The following COLQ variants were observed in gnomAD, a reference collection of about 807,000 sequenced individuals.
The protein encoded by COLQ is collagen like tail subunit of asymmetric acetylcholinesterase.
Under a neutral mutation model 69.0 loss-of-function variants are expected in COLQ, and 48 were observed. That is an observed-to-expected ratio of 0.70 (90% CI 0.55 to 0.88). COLQ has a LOEUF of 0.88. Ranked by LOEUF, COLQ falls within the 40% of genes least tolerant of loss-of-function variation. COLQ has a pLI of 0.00. For synonymous variants in COLQ, 217 were observed against 211.2 expected (o/e 1.03, Z -0.24); for missense variants, 618 against 594.6 (o/e 1.04, Z -0.41).
chr3:15,478,867 G>T (rs2062426391), intron 5 of COLQ, 110 bp downstream of exon 5: 5 of 1,275,838 alleles, frequency 3.9e-6, no homozygotes, highest in Non-Finnish European at 4.6e-6. Context: ...TGTCCACCTG[G>T]GTATCAGTGA....
chr3:15,470,690 G>T, intron 10 of COLQ, 74 bp from the exon 11 acceptor site: 2 of 1,361,970 alleles, frequency 1.5e-6, no homozygotes, highest in Non-Finnish European at 2.1e-6. Flanking sequence ...GGTCTAGCCA[G>T]TCATTGGCTA....
chr3:15,501,337 T>C (rs984230503), intron 1 of COLQ, among the ~76,000 whole-genome samples: 1 of 152,164 alleles, frequency 6.6e-6, no homozygotes, highest in Non-Finnish European at 1.5e-5. Flanking sequence ...TCCCTGCCGA[T>C]GGGGCTGAAG....
In COLQ at chr3:15,479,092, G is replaced by C. The variant is rs184680851; in HGVS notation, c.367-89C>G. ...CTTAGTAGAGCTGATGACTGGGCAT[G>C]GCCATGTGGCTCAGTTGCTTGGCTG... On this transcript the variant is annotated intron_variant, in intron 4 of 16. Transcript: ENST00000383788. 166 of 1,516,898 alleles carry C rather than the reference G, an allele frequency of 1.1e-4. No individual in the cohort carries two copies. The East Asian group carries it at 3.4e-3, about 31-fold the overall frequency. The allele number at this position is 1,516,898 out of a possible 1,614,324, so 94.0% of individuals were successfully genotyped here.
intron 3 of COLQ, among the ~76,000 whole-genome samples, chr3:15,487,144 G>A (rs1299087356): frequency 6.6e-6 from 1 of 152,210 alleles, no homozygotes; most frequent in Non-Finnish European, 1.5e-5. Flanking sequence ...GTGGCAGAGA[G>A]TGATTGTGGT....
At chr3:15,453,032 G>C (rs2061971446) in intron 16 of COLQ, among the ~76,000 whole-genome samples, 2 of 152,166 alleles carry the variant, frequency 1.3e-5, no homozygotes, top group Admixed American at 1.3e-4. Flanking sequence ...GAAGAGCAGG[G>C]CATGGCCTAG....
chr3:15,498,807 T>G (rs1367380889), intron 1 of COLQ: 7 of 1,477,070 alleles, frequency 4.7e-6, no homozygotes, highest in African/African-American at 1.4e-5. Flanking sequence ...CTGCTCCAGC[T>G]GCCCATGAAC....
At position 15,489,587 on chromosome 3, in the gene COLQ, G is replaced by A; in HGVS notation, c.157C>T (p.Leu53=). ...AGTGGTGGTGGAGGAGGCGTCAGCA[G>A]GCAGCATGCTTTGTGGCCACCACGC... ...KKRGGHKACC[L]LTPPPPPLFP... Residue 53 remains leucine (L), a synonymous_variant, in exon 2 of 17, where the codon CTG becomes TTG. Transcript: ENST00000383788. 1 of 1,614,228 alleles carries A rather than the reference G, an allele frequency of 6.2e-7. No homozygotes were observed. Among genetic ancestry groups the A allele is most frequent in the South Asian group, 1.1e-5 (1 of 91,080 alleles).
At chr3:15,465,632 T>G (rs1176614582) in intron 12 of COLQ, among the ~76,000 whole-genome samples, 1 of 93,288 alleles carries the variant, frequency 1.1e-5, no homozygotes, top group Non-Finnish European at 2.2e-5. Flanking sequence ...TTTTTTTTTT[T>G]GGAGACAGAG....
At chr3:15,461,198 G>GCCCCCCCC (rs1424356885) in intron 12 of COLQ, among the ~76,000 whole-genome samples, 1 of 145,250 alleles carries the variant, frequency 6.9e-6, no homozygotes, top group Non-Finnish European at 1.5e-5. Context: ...TTCCCCCCCC[G>GCCCCCCCC]ACCTCTTAGC....
intron 1 of COLQ, 102 bp downstream of exon 1, chr3:15,521,418 C>T (rs1205322432): frequency 6.7e-7 from 1 of 1,487,154 alleles, no homozygotes; most frequent in Non-Finnish European, 9.2e-7. Flanking sequence ...CCTCCACCAA[C>T]AGTTGAATGG....
chr3:15,451,346 A>G lies in COLQ; in HGVS notation c.*298T>C, dbSNP rs144067075. 3.8e-5 allele frequency: 21 copies of G among 554,650 alleles called. No homozygotes were observed. Among genetic ancestry groups the G allele is most frequent in the African/African-American group, 3.0e-4 (16 of 53,352 alleles). The allele number at this position is 554,650 out of a possible 1,614,324, so 34.4% of individuals were successfully genotyped here. The stretch of plus-strand genomic sequence containing the variant: ...GCCAAGTCCACGGCCTGGGTCAGCA[A>G]CATTCCAGAAGAGGAAGAGCATTGT... On this transcript the variant is annotated 3_prime_UTR_variant, in exon 17 of 17. Coordinates refer to ENST00000383788, the MANE Select transcript of COLQ (RefSeq NM_005677.4).
At chr3:15,452,918 G>C (rs966523306) in intron 16 of COLQ, among the ~76,000 whole-genome samples, 16 of 152,224 alleles carry the variant, frequency 1.1e-4, no homozygotes, top group Non-Finnish European at 2.2e-4. Context: ...AAGGGCCCAG[G>C]TCCGAGTCTA....
chr3:15,456,144 G>A (rs1244617547), intron 14 of COLQ, 125 bp from the exon 15 acceptor site: 3 of 1,175,024 alleles, frequency 2.6e-6, no homozygotes, highest in East Asian at 2.5e-5. Flanking sequence ...TCCCAGGGGT[G>A]GGAAAGGTAC....
intron 1 of COLQ, among the ~76,000 whole-genome samples, chr3:15,507,725 G>A (rs972386058): frequency 1.3e-5 from 2 of 152,228 alleles, no homozygotes. Flanking sequence ...AAAGTGCTGG[G>A]ATTACAGGCG....
At chr3:15,516,235 G>T (rs908514994) in intron 1 of COLQ, among the ~76,000 whole-genome samples, 2 of 152,168 alleles carry the variant, frequency 1.3e-5, no homozygotes, top group African/African-American at 4.8e-5. Context: ...AACAATAGCT[G>T]ATCAGCATCA....
At chr3:15,489,467 G>A (rs972556950) in intron 2 of COLQ, 58 bp downstream of exon 2, 36 of 1,507,790 alleles carry the variant, frequency 2.4e-5, no homozygotes, top group South Asian at 1.6e-4. Context: ...GTGGGGCTGC[G>A]TGGTGTGCAC....
At chr3:15,503,738 A>G (rs1187668447) in intron 1 of COLQ, among the ~76,000 whole-genome samples, 2 of 152,102 alleles carry the variant, frequency 1.3e-5, no homozygotes, top group Non-Finnish European at 2.9e-5. Flanking sequence ...AAGGTCAAAC[A>G]CAACCAGTAG....
At chr3:15,489,440 T>G (rs1575483703) in intron 2 of COLQ, 85 bp downstream of exon 2, 1 of 1,246,488 alleles carries the variant, frequency 8.0e-7, no homozygotes, top group Non-Finnish European at 1.2e-6. Context: ...GCAGCTCAGG[T>G]GGAGTGGGGC....
intron 12 of COLQ, among the ~76,000 whole-genome samples, chr3:15,461,594 T>C (rs2062115379): frequency 6.6e-6 from 1 of 152,066 alleles, no homozygotes; most frequent in Admixed American, 6.6e-5. Context: ...AAGGGGAATC[T>C]AGGAGAGGGC....
Sources: allele counts gnomAD v4.1 joint callset (sites outside exome capture counted in the v4.1 genomes callset), GRCh38; gene constraint gnomAD v4.1.1; transcripts MANE v1.5; gene names NCBI Gene and HGNC (gene_info 2026-07-23, HGNC 2026-07-21).